The following ITPR2 variants were observed in gnomAD, a reference collection of about 807,000 sequenced individuals.
ITPR2 encodes inositol 1,4,5-trisphosphate-gated calcium channel ITPR2.
Under a neutral mutation model 317.1 loss-of-function variants are expected in ITPR2, and 207 were observed. That is an observed-to-expected ratio of 0.65 (90% confidence interval 0.58 to 0.73). The LOEUF is 0.73. Ranked by LOEUF, ITPR2 falls within the 30% of genes least tolerant of loss-of-function variation. The pLI is 0.00. For missense variants in ITPR2, 2,613 were observed against 3,284.0 expected (o/e 0.80, Z 4.99); for synonymous variants, 1,156 against 1,149.1 (o/e 1.01, Z -0.12).
intron 43 of ITPR2, among the ~76,000 whole-genome samples, chr12:26,477,735 CT>C (rs1379059017): frequency 1.3e-5 from 2 of 152,064 alleles, no homozygotes; most frequent in African/African-American, 4.8e-5. Flanking sequence ...AAAAATATTT[CT>C]GATACAATTT....
chr12:26,624,828 C>T (rs915571697), intron 23 of ITPR2, among the ~76,000 whole-genome samples: 2 of 150,308 alleles, frequency 1.3e-5, no homozygotes, highest in African/African-American at 4.9e-5. Flanking sequence ...AGTAATTCTA[C>T]TTCTGGGTGT....
intron 39 of ITPR2, among the ~76,000 whole-genome samples, chr12:26,491,369 G>C (rs570873077): frequency 2.7e-5 from 4 of 150,558 alleles, no homozygotes; most frequent in Non-Finnish European, 5.9e-5. Context: ...TGTAGTCCCA[G>C]CTACTCGGGA....
intron 34 of ITPR2, among the ~76,000 whole-genome samples, chr12:26,563,037 C>T (rs147985802): frequency 1.9e-4 from 28 of 151,056 alleles, no homozygotes; most frequent in African/African-American, 4.6e-4. Context: ...TCAATGACAA[C>T]GGATTAAAAA....
At chr12:26,580,310 CATG>C (rs1301810326) in intron 32 of ITPR2, among the ~76,000 whole-genome samples, 155 bp from the exon 33 acceptor site, 3 of 152,130 alleles carry the variant, frequency 2.0e-5, no homozygotes, top group Admixed American at 2.0e-4. Flanking sequence ...AGCCTGAAAT[CATG>C]ATAATTGTAT....
intron 2 of ITPR2, among the ~76,000 whole-genome samples, chr12:26,732,221 G>A (rs1441005020): frequency 6.6e-6 from 1 of 152,138 alleles, no homozygotes; most frequent in Non-Finnish European, 1.5e-5. Context: ...CTACGAAAGA[G>A]GAAGAGAAAT....
At chr12:26,568,522 AATT>A (rs943785220) in intron 34 of ITPR2, among the ~76,000 whole-genome samples, 7 of 152,136 alleles carry the variant, frequency 4.6e-5, no homozygotes, top group African/African-American at 1.7e-4. Context: ...ATCTATTTCT[AATT>A]ATTATTATTA....
intron 55 of ITPR2, 42 bp from the exon 56 acceptor site, chr12:26,340,370 G>A: frequency 6.5e-7 from 1 of 1,539,636 alleles, no homozygotes; most frequent in Non-Finnish European, 8.8e-7. Flanking sequence ...AATAAGTATG[G>A]AAGGGGAGAA....
intron 39 of ITPR2, among the ~76,000 whole-genome samples, chr12:26,487,953 A>G (rs535989845): frequency 1.9e-3 from 283 of 152,334 alleles, no homozygotes; most frequent in African/African-American, 6.7e-3. Flanking sequence ...ATAATGATGT[A>G]GAAATGGTTC....
At chr12:26,630,419 GAGAGAGATACACAA>G (rs1469160602) in intron 22 of ITPR2, among the ~76,000 whole-genome samples, 1 of 150,658 alleles carries the variant, frequency 6.6e-6, no homozygotes, top group Non-Finnish European at 1.5e-5. Context: ...GAGAGAGGCT[GAGAGAGATACACAA>G]AGTGATGGGG....
intron 55 of ITPR2, among the ~76,000 whole-genome samples, chr12:26,361,476 G>A (rs926482704): frequency 6.6e-6 from 1 of 152,204 alleles, no homozygotes; most frequent in South Asian, 2.1e-4. Context: ...AAAAAAATGG[G>A]TGAAGATTTG....
intron 45 of ITPR2, among the ~76,000 whole-genome samples, chr12:26,475,008 C>T (rs918240600): frequency 2.0e-5 from 3 of 152,100 alleles, no homozygotes; most frequent in Non-Finnish European, 4.4e-5. Context: ...TCAGGACCCT[C>T]ATTTTTTGCC....
intron 2 of ITPR2, among the ~76,000 whole-genome samples, chr12:26,728,592 G>C (rs1206400902): frequency 2.0e-5 from 3 of 152,180 alleles, no homozygotes; most frequent in African/African-American, 7.2e-5. Context: ...GGTGGCAGTA[G>C]GGTGTGTGCA....
chr12:26,420,334 A>C (rs970475210), intron 49 of ITPR2, among the ~76,000 whole-genome samples: 1 of 152,180 alleles, frequency 6.6e-6, no homozygotes, highest in African/African-American at 2.4e-5. Flanking sequence ...AACTTTGTAA[A>C]AACAGGTTGC....
chr12:26,741,667 CTGCATGTGTGTCTGTGTG>C (rs1419543593), intron 2 of ITPR2, among the ~76,000 whole-genome samples: 1 of 152,144 alleles, frequency 6.6e-6, no homozygotes, highest in Admixed American at 6.5e-5. Context: ...GTAAGAAAAC[CTGCATGTGTGTCTGTGTG>C]TGCGTGTGTG....
intron 32 of ITPR2, among the ~76,000 whole-genome samples, chr12:26,582,802 T>A (rs1374350497): frequency 2.0e-5 from 3 of 152,196 alleles, no homozygotes; most frequent in African/African-American, 7.2e-5. Flanking sequence ...TATCCACAGA[T>A]ACACAGGATG....
chr12:26,557,022 T>C lies in ITPR2; in HGVS notation c.4822-647A>G, dbSNP rs373904230. ...TGAGCCTGGGAGGCGGAGGTTGCAGTGACGCAATATAGCACCATTGCACTC... is the reference window on the plus strand; with the variant it reads ...TGAGCCTGGGAGGCGGAGGTTGCAGCGACGCAATATAGCACCATTGCACTC... On this transcript the variant is annotated intron_variant, in intron 35 of 56. Coordinates refer to ENST00000381340, the MANE Select transcript of ITPR2 (RefSeq NM_002223.4). Among the ~76,000 whole-genome samples, 11 of 151,778 alleles carry C rather than the reference T, an allele frequency of 7.2e-5. No individual in the cohort carries two copies. The East Asian group carries it at 2.1e-3, about 30-fold the overall frequency.
At chr12:26,720,811 C>G (rs1328293849) in intron 5 of ITPR2, among the ~76,000 whole-genome samples, 2 of 152,160 alleles carry the variant, frequency 1.3e-5, no homozygotes, top group Non-Finnish European at 2.9e-5. Flanking sequence ...TCATTACATT[C>G]AACTCTCTGT....
intron 36 of ITPR2, among the ~76,000 whole-genome samples, chr12:26,555,752 C>T (rs1259161838): frequency 6.6e-6 from 1 of 152,150 alleles, no homozygotes; most frequent in Non-Finnish European, 1.5e-5. Context: ...CACACGTGGT[C>T]CTCAGCAATC....
At chr12:26,433,657 C>CT (rs754266920) in intron 48 of ITPR2, among the ~76,000 whole-genome samples, 2 of 152,020 alleles carry the variant, frequency 1.3e-5, no homozygotes, top group Non-Finnish European at 2.9e-5. Flanking sequence ...TAAACTTGTC[C>CT]TTGTCCTCAG....
Sources: gnomAD v4.1 joint callset for allele counts (sites outside exome capture counted in the v4.1 genomes callset) on GRCh38, gnomAD v4.1.1 for gene constraint, MANE v1.5 for transcripts, NCBI Gene and HGNC (gene_info 2026-07-23, HGNC 2026-07-21) for gene names.